The following ZNF385B variants were observed in gnomAD, a reference collection of about 807,000 sequenced individuals.
The protein encoded by ZNF385B is zinc finger protein 533.
Under a neutral mutation model 39.2 loss-of-function variants are expected in ZNF385B, and 23 were observed. The ratio of observed to expected loss-of-function variants is 0.59; its 90% CI spans 0.42 to 0.83. ZNF385B has a LOEUF of 0.83. Among genes scored for constraint, ZNF385B ranks in the 40% least tolerant of loss-of-function variants. The pLI is 0.00. For missense variants in ZNF385B, 552 were observed against 598.9 expected (o/e 0.92, Z 0.82); for synonymous variants, 205 against 222.6 (o/e 0.92, Z 0.70).
intron 3 of ZNF385B, among the ~76,000 whole-genome samples, chr2:179,562,002 C>T (rs2061366781): frequency 6.6e-6 from 1 of 152,162 alleles, no homozygotes; most frequent in African/African-American, 2.4e-5. Flanking sequence ...TTATAATCAA[C>T]AGCTTAAATA....
intron 1 of ZNF385B, among the ~76,000 whole-genome samples, chr2:179,834,542 G>A (rs1377776148): frequency 6.6e-6 from 1 of 152,106 alleles, no homozygotes; most frequent in African/African-American, 2.4e-5. Flanking sequence ...GAAAGACGGG[G>A]GGAAAGTTTT....
intron 1 of ZNF385B, among the ~76,000 whole-genome samples, chr2:179,834,531 C>T (rs772952428): frequency 1.3e-4 from 20 of 151,964 alleles, no homozygotes; most frequent in Admixed American, 2.0e-4. Context: ...TATTTTAAAA[C>T]GAAAGACGGG....
rs193002708 is a variant in ZNF385B, at chr2:179,634,887, T to C, written c.299-89918A>G. On this transcript the variant is annotated intron_variant, in intron 3 of 9. Transcript: ENST00000410066. The stretch of plus-strand genomic sequence containing the variant: ...GCTCACGCCTGTAATCTCAGCACTT[T>C]GGGAGGCTGAGGCAGGCAGATCACA... Among the ~76,000 whole-genome samples the C allele has an allele frequency of 2.8e-3, 424 of 150,386 alleles. 2 individuals carry two copies. The highest frequency in any genetic ancestry group is 1.0e-2 in the African/African-American group (406 of 40,804).
chr2:179,763,259 C>G (rs993432536), intron 3 of ZNF385B, among the ~76,000 whole-genome samples: 6 of 152,276 alleles, frequency 3.9e-5, no homozygotes, highest in Admixed American at 2.0e-4. Flanking sequence ...TTCTGAAGGA[C>G]TGGTTCATCC....
chr2:179,471,235 A>T (rs2052740286), intron 6 of ZNF385B, among the ~76,000 whole-genome samples: 1 of 152,144 alleles, frequency 6.6e-6, no homozygotes, highest in Admixed American at 6.6e-5. Context: ...ACATAACATA[A>T]ATGACTAAGA....
intron 1 of ZNF385B, among the ~76,000 whole-genome samples, chr2:179,840,495 T>A (rs543874906): frequency 2.6e-5 from 4 of 152,092 alleles, no homozygotes; most frequent in Non-Finnish European, 4.4e-5. Context: ...AGGAAGTGAA[T>A]GAAAGCTAGG....
intron 3 of ZNF385B, among the ~76,000 whole-genome samples, chr2:179,694,990 A>AGGAGGAGG (rs1559098881): frequency 6.8e-6 from 1 of 147,502 alleles, no homozygotes; most frequent in South Asian, 2.1e-4. Flanking sequence ...GGAGGAGGAG[A>AGGAGGAGG]AGAAAAAGAA....
chr2:179,745,796 T>C, intron 3 of ZNF385B: 1 of 1,514,852 alleles, frequency 6.6e-7, no homozygotes, highest in Non-Finnish European at 8.8e-7. Context: ...AAACTTCCAG[T>C]ATGTGACCAG....
At chr2:179,621,323 C>T (rs927165571) in intron 3 of ZNF385B, among the ~76,000 whole-genome samples, 3 of 152,074 alleles carry the variant, frequency 2.0e-5, no homozygotes, top group African/African-American at 7.2e-5. Context: ...TAGTCTAGGT[C>T]TTTATAAATT....
At chr2:179,755,439 CT>C (rs1312794074) in intron 3 of ZNF385B, among the ~76,000 whole-genome samples, 2 of 152,154 alleles carry the variant, frequency 1.3e-5, no homozygotes, top group African/African-American at 4.8e-5. Flanking sequence ...CTGTAGATGT[CT>C]ATTAGGTCTG....
chr2:179,562,304 T>C, intron 3 of ZNF385B: 1 of 853,920 alleles, frequency 1.2e-6, no homozygotes, highest in Non-Finnish European at 1.4e-6. Flanking sequence ...CTTTTCTCTT[T>C]TTCTGAAATT....
At position 179,540,499 on chromosome 2, in the gene ZNF385B, A is replaced by C. The variant is rs528611111; in HGVS notation, c.441+4328T>G. 1.9e-3 allele frequency among the ~76,000 whole-genome samples: 295 copies of C among 152,146 alleles called. 1 individual carries two copies. Among genetic ancestry groups the C allele is most frequent in the African/African-American group, 5.5e-3 (227 of 41,488 alleles). ...AACCAAACAACAACAACAACAACAA[A>C]AAAAACCACAGTTTTCAGGAAAATA... On this transcript the variant is annotated intron_variant, in intron 4 of 9. Coordinates refer to ENST00000410066, the MANE Select transcript of ZNF385B (RefSeq NM_152520.6).
At chr2:179,492,846 T>G (rs2055394659) in intron 5 of ZNF385B, among the ~76,000 whole-genome samples, 1 of 152,154 alleles carries the variant, frequency 6.6e-6, no homozygotes, top group Non-Finnish European at 1.5e-5. Context: ...GAGAAAATAA[T>G]GAAAACACAT....
intron 3 of ZNF385B, among the ~76,000 whole-genome samples, chr2:179,750,232 G>C (rs1195091415): frequency 2.6e-5 from 4 of 152,060 alleles, no homozygotes; most frequent in Non-Finnish European, 4.4e-5. Flanking sequence ...GTTGTAACTT[G>C]AGACTTCATC....
intron 4 of ZNF385B, among the ~76,000 whole-genome samples, chr2:179,529,149 C>T (rs988659976): frequency 6.6e-6 from 1 of 152,146 alleles, no homozygotes; most frequent in African/African-American, 2.4e-5. Context: ...TGTTCATATT[C>T]AGGTTTTAAA....
At chr2:179,715,017 T>C (rs180988341) in intron 3 of ZNF385B, among the ~76,000 whole-genome samples, 2 of 150,314 alleles carry the variant, frequency 1.3e-5, no homozygotes, top group African/African-American at 4.9e-5. Context: ...CCCATATCTG[T>C]CAAAAATTTT....
intron 1 of ZNF385B, among the ~76,000 whole-genome samples, chr2:179,771,781 G>T (rs1704026668): frequency 1.3e-5 from 2 of 152,196 alleles, no homozygotes; most frequent in African/African-American, 2.4e-5. Context: ...AGAATTAGTT[G>T]AAATAAGTAA....
At chr2:179,711,157 T>C (rs1288383879) in intron 3 of ZNF385B, among the ~76,000 whole-genome samples, 1 of 152,174 alleles carries the variant, frequency 6.6e-6, no homozygotes, top group Non-Finnish European at 1.5e-5. Context: ...TGAGCAATAA[T>C]TAACACCAAA....
At chr2:179,520,439 A>G (rs2058403032) in intron 4 of ZNF385B, among the ~76,000 whole-genome samples, 1 of 152,170 alleles carries the variant, frequency 6.6e-6, no homozygotes, top group African/African-American at 2.4e-5. Context: ...TTCAATGAGA[A>G]TAATAATTTA....
Sources: allele counts gnomAD v4.1 joint callset (sites outside exome capture counted in the v4.1 genomes callset), GRCh38; gene constraint gnomAD v4.1.1; transcripts MANE v1.5; gene names NCBI Gene and HGNC (gene_info 2026-07-23, HGNC 2026-07-21).